Variants in MPPED1 observed in about 807,000 individuals in gnomAD.
The protein encoded by MPPED1 is metallophosphoesterase domain containing 1.
MPPED1 carries 16 observed loss-of-function variants against 36.2 expected under a neutral mutation model. That is an observed-to-expected ratio of 0.44 (90% CI 0.30 to 0.67). MPPED1 has a LOEUF of 0.67. MPPED1 is among the 30% of genes least tolerant of loss of function. The pLI is 0.10. For synonymous variants in MPPED1, 199 were observed against 191.3 expected, an observed-to-expected ratio of 1.04 and a Z score of -0.33; for missense variants, 307 against 453.4, an observed-to-expected ratio of 0.68 and a Z score of 2.93.
intron 4 of MPPED1, among the ~76,000 whole-genome samples, chr22:43,495,932 ATGGTGGAGGTAG>A (rs1569089215): frequency 0.034 from 730 of 21,238 alleles, 2 homozygotes; most frequent in Middle Eastern, 0.059. Context: ...GGTGGAGGTG[ATGGTGGAGGTAG>A]TGGTGGTGGA....
intron 3 of MPPED1, among the ~76,000 whole-genome samples, chr22:43,437,008 A>C (rs1419385147): frequency 5.3e-5 from 8 of 152,234 alleles, no homozygotes; most frequent in Non-Finnish European, 5.9e-5. Flanking sequence ...TCTTTCCCTC[A>C]GGCCTCGCCC....
intron 4 of MPPED1, among the ~76,000 whole-genome samples, chr22:43,492,967 T>A (rs192216283): frequency 1.2e-4 from 18 of 152,318 alleles, no homozygotes; most frequent in Admixed American, 9.2e-4. Flanking sequence ...AACAATTTAT[T>A]CATTAATTCA....
At chr22:43,428,403 C>G (rs1448636177) in intron 2 of MPPED1, among the ~76,000 whole-genome samples, 1 of 152,200 alleles carries the variant, frequency 6.6e-6, no homozygotes, top group Admixed American at 6.5e-5. Flanking sequence ...CCAGGGTGGG[C>G]ACAGGGATGA....
At chr22:43,456,633 T>C (rs1930764270) in intron 3 of MPPED1, among the ~76,000 whole-genome samples, 1 of 152,180 alleles carries the variant, frequency 6.6e-6, no homozygotes, top group South Asian at 2.1e-4. Flanking sequence ...TAGCTGAGAT[T>C]ACAGATGTGC....
chr22:43,465,922 A>G (rs1357492832), intron 3 of MPPED1, among the ~76,000 whole-genome samples: 5 of 152,166 alleles, frequency 3.3e-5, no homozygotes, highest in African/African-American at 1.2e-4. Context: ...TTTTGTGCAC[A>G]TCTCTGGGCA....
intron 4 of MPPED1, among the ~76,000 whole-genome samples, chr22:43,482,678 C>A (rs1931786441): frequency 6.6e-6 from 1 of 152,198 alleles, no homozygotes; most frequent in Non-Finnish European, 1.5e-5. Flanking sequence ...GGTGGGCATT[C>A]ATACACCTGC....
chr22:43,499,013 T>G (rs1302281220), intron 5 of MPPED1, among the ~76,000 whole-genome samples: 1 of 151,594 alleles, frequency 6.6e-6, no homozygotes, highest in Non-Finnish European at 1.5e-5. Flanking sequence ...GGACAATGTC[T>G]TCTCTCTCTC....
At chr22:43,497,812 A>G (rs543580876) in intron 4 of MPPED1, among the ~76,000 whole-genome samples, 26 of 129,506 alleles carry the variant, frequency 2.0e-4, no homozygotes, top group Admixed American at 1.3e-3. Context: ...GGGAGGATGG[A>G]GGGGCATCTT....
At position 43,412,103 on chromosome 22, in the gene MPPED1, C is replaced by T. The variant is rs1217123851; in HGVS notation, c.-134C>T. The T allele has an allele frequency of 2.0e-6, 2 of 979,474 alleles. No homozygotes were observed. Among genetic ancestry groups the T allele is most frequent in the Non-Finnish European group, 2.4e-6 (2 of 827,692 alleles). The allele number at this position is 979,474 out of a possible 1,614,324, so 60.7% of individuals were successfully genotyped here. On this transcript the variant is annotated 5_prime_UTR_variant, in exon 1 of 7. Transcript: ENST00000443721. The stretch of plus-strand genomic sequence containing the variant: ...CCCTCCCGGGAGCCCCTGCCTCCCT[C>T]GGTGCGCGCTGCTGCTCGCAGCCGC...
chr22:43,466,524 T>G (rs1035610252), intron 3 of MPPED1, among the ~76,000 whole-genome samples: 10 of 152,230 alleles, frequency 6.6e-5, no homozygotes, highest in African/African-American at 1.9e-4. Context: ...ACATCCAGGT[T>G]GTATTAACCT....
chr22:43,483,495 C>T (rs1041624041), intron 4 of MPPED1, among the ~76,000 whole-genome samples: 5 of 152,286 alleles, frequency 3.3e-5, no homozygotes, highest in South Asian at 2.1e-4. Flanking sequence ...CAGCATGCCA[C>T]GCCCTCGGTG....
intron 4 of MPPED1, among the ~76,000 whole-genome samples, chr22:43,494,760 G>A (rs529582050): frequency 6.8e-6 from 1 of 148,140 alleles, no homozygotes; most frequent in East Asian, 2.0e-4. Context: ...GCTGCTACAA[G>A]AAAATGCCAT....
At chr22:43,491,041 T>C (rs149739525) in intron 4 of MPPED1, among the ~76,000 whole-genome samples, 3,363 of 152,332 alleles carry the variant, frequency 0.022, 48 homozygotes, top group Non-Finnish European at 0.036. Flanking sequence ...TAAATAGAAA[T>C]ATATTTAACT....
chr22:43,450,531 TCA>T (rs1404410434), intron 3 of MPPED1, among the ~76,000 whole-genome samples: 1 of 152,168 alleles, frequency 6.6e-6, no homozygotes, highest in Non-Finnish European at 1.5e-5. Flanking sequence ...TCTCTGAGCC[TCA>T]GTTTTCTCAT....
At chr22:43,432,555 GGAGA>G (rs143596611) in intron 2 of MPPED1, among the ~76,000 whole-genome samples, 17 of 97,168 alleles carry the variant, frequency 1.7e-4, no homozygotes, top group African/African-American at 6.0e-4. Flanking sequence ...AAGAAAGGGA[GGAGA>G]GAGAGAGAAA....
At chr22:43,425,930 C>T (rs1929452870) in intron 2 of MPPED1, among the ~76,000 whole-genome samples, 1 of 152,212 alleles carries the variant, frequency 6.6e-6, no homozygotes, top group Non-Finnish European at 1.5e-5. Flanking sequence ...GTGTGCGGGG[C>T]CAGCCTTTCC....
chr22:43,425,373 G>A, intron 2 of MPPED1, 164 bp downstream of exon 2: 1 of 1,321,212 alleles, frequency 7.6e-7, no homozygotes, highest in Non-Finnish European at 1.0e-6. Context: ...TGAGTTGGGA[G>A]GGACCGGCAA....
intron 4 of MPPED1, among the ~76,000 whole-genome samples, chr22:43,485,928 C>A (rs1461726789): frequency 6.6e-6 from 1 of 152,236 alleles, no homozygotes; most frequent in African/African-American, 2.4e-5. Context: ...ACTGCCCTGT[C>A]CCCTCTCGGG....
chr22:43,423,040 T>C (rs1164070215), intron 1 of MPPED1, among the ~76,000 whole-genome samples: 1 of 152,138 alleles, frequency 6.6e-6, no homozygotes, highest in Non-Finnish European at 1.5e-5. Flanking sequence ...TTTCACTATG[T>C]TGGCCAGGCT....
Sources: allele counts gnomAD v4.1 joint callset (sites outside exome capture counted in the v4.1 genomes callset), GRCh38; gene constraint gnomAD v4.1.1; transcripts MANE v1.5; gene names NCBI Gene and HGNC (gene_info 2026-07-23, HGNC 2026-07-21).